Variants in RALGAPB observed in about 807,000 individuals in gnomAD.
The protein encoded by RALGAPB is ral GTPase-activating protein subunit beta.
Under a neutral mutation model 161.1 loss-of-function variants are expected in RALGAPB, and 25 were observed. The ratio of observed to expected loss-of-function variants is 0.16; its 90% CI spans 0.11 to 0.22. The LOEUF (loss-of-function observed/expected upper bound fraction) is 0.22. RALGAPB is among the 10% of genes least tolerant of loss of function. The probability of loss-of-function intolerance (pLI) is 1.00; values close to 1 mark genes in which losing one functional copy is unlikely to be tolerated. For synonymous variants in RALGAPB, 629 were observed against 626.1 expected (o/e 1.00, Z -0.07); for missense variants, 1,391 against 1,815.2 (o/e 0.77, Z 4.25).
intron 18 of RALGAPB, 31 bp downstream of exon 18, chr20:38,541,223 T>A: frequency 6.2e-7 from 1 of 1,608,800 alleles, no homozygotes; most frequent in South Asian, 1.1e-5. Context: ...GGATTGTGCC[T>A]AGGAATTAGA....
In RALGAPB at chr20:38,577,388, C is replaced by T. The variant is rs1323698734; in HGVS notation, c.*2421C>T. On this transcript the variant is annotated 3_prime_UTR_variant, in exon 30 of 30. Coordinates refer to ENST00000262879, the MANE Select transcript of RALGAPB (RefSeq NM_020336.4). The stretch of plus-strand genomic sequence containing the variant: ...TAAATTTGCCAGCATATGTTCTAGC[C>T]TCTGGGGGGAAACCAGGACCACTTT... 1.3e-5 allele frequency: 2 copies of T among 152,292 alleles called. No homozygotes were observed. Among genetic ancestry groups the T allele is most frequent in the African/African-American group, 4.8e-5 (2 of 41,542 alleles). The allele number at this position is 152,292 out of a possible 1,614,324, so 9.4% of individuals were successfully genotyped here.
chr20:38,546,586 C>T (rs1165499548), intron 19 of RALGAPB, 156 bp downstream of exon 19: 3 of 897,998 alleles, frequency 3.3e-6, no homozygotes, highest in East Asian at 5.3e-5. Flanking sequence ...AATAGGGGGG[C>T]AAAAAAATAG....
In RALGAPB at chr20:38,562,575, T is replaced by G. The variant is rs759698269; in HGVS notation, c.3575T>G (p.Phe1192Cys). 1 of 1,613,478 alleles carries G rather than the reference T, an allele frequency of 6.2e-7. No homozygotes were observed. Among genetic ancestry groups the G allele is most frequent in the Admixed American group, 1.7e-5 (1 of 59,992 alleles). The change falls in exon 24 of 30, where the codon TTC (phenylalanine) becomes TGC (cysteine). Residue 1192 changes from phenylalanine to cysteine, a missense_variant. Phe to Cys is a radical substitution (Grantham distance 205). Coordinates refer to ENST00000262879, the MANE Select transcript of RALGAPB (RefSeq NM_020336.4). ...VESSRTVQPH[F>C]LEFLLSLGWS... ...TCTTCCAGAACTGTTCAGCCACATT[T>G]CCTAGAATTTTTGCTTTCCCTTGGC...
intron 1 of RALGAPB, among the ~76,000 whole-genome samples, chr20:38,481,274 CTTATG>C (rs976926270): frequency 2.6e-5 from 4 of 152,120 alleles, no homozygotes; most frequent in African/African-American, 4.8e-5. Context: ...AATGTTCTAA[CTTATG>C]TTATAGTTAT....
At chr20:38,565,250 T>C in intron 24 of RALGAPB, 109 bp from the exon 25 acceptor site, 3 of 1,281,948 alleles carry the variant, frequency 2.3e-6, no homozygotes, top group Non-Finnish European at 3.2e-6. Flanking sequence ...GTTGAAAACA[T>C]ATATTCTATT....
intron 5 of RALGAPB, among the ~76,000 whole-genome samples, chr20:38,507,165 A>G (rs1476733484): frequency 6.6e-6 from 1 of 152,142 alleles, no homozygotes; most frequent in Admixed American, 6.5e-5. Context: ...TATTTTTTCC[A>G]TTTAGTTCCC....
chr20:38,541,282 G>T (rs1176106620), intron 18 of RALGAPB, 90 bp downstream of exon 18: 4 of 1,285,394 alleles, frequency 3.1e-6, no homozygotes, highest in Non-Finnish European at 3.2e-6. Context: ...TGATTGTTCA[G>T]CATTGCGTGA....
chr20:38,490,592 T>C (rs1046651019), intron 2 of RALGAPB, among the ~76,000 whole-genome samples: 1 of 150,758 alleles, frequency 6.6e-6, no homozygotes, highest in Non-Finnish European at 1.5e-5. Context: ...CCGCAACCTC[T>C]GCCTCCCAGG....
At chr20:38,569,386 C>A (rs1264038147) in intron 26 of RALGAPB, 1 of 155,600 alleles carries the variant, frequency 6.4e-6, no homozygotes, top group Non-Finnish European at 1.4e-5. Context: ...GGTAATGAAG[C>A]CCCAAACAAC....
At chr20:38,517,392 T>C in intron 7 of RALGAPB, 114 bp from the exon 8 acceptor site, 2 of 1,006,856 alleles carry the variant, frequency 2.0e-6, no homozygotes, top group Non-Finnish European at 2.8e-6. Context: ...CAACTAGCAA[T>C]CTCTGCTATA....
At chr20:38,544,503 T>C (rs1398057312) in intron 18 of RALGAPB, among the ~76,000 whole-genome samples, 2 of 152,218 alleles carry the variant, frequency 1.3e-5, no homozygotes, top group East Asian at 3.8e-4. Context: ...AGTCTCGCCC[T>C]GTCACCCAGG....
In RALGAPB at chr20:38,521,836, T is replaced by G. The variant is rs1450837943; in HGVS notation, c.1619+138T>G. The stretch of plus-strand genomic sequence containing the variant: ...GTAAGTGATCGACATTTGCCTGAAA[T>G]CTTTCATTTTACCTGTCTCATCAGA... On this transcript the variant is annotated intron_variant, in intron 10 of 29. Coordinates refer to ENST00000262879, the MANE Select transcript of RALGAPB (RefSeq NM_020336.4). 4 of 918,420 alleles carry G rather than the reference T, an allele frequency of 4.4e-6. No individual in the cohort carries two copies. In the African/African-American group the frequency reaches 6.7e-5, roughly 15 times the overall value. The allele number at this position is 918,420 out of a possible 1,614,324, so 56.9% of individuals were successfully genotyped here. A position where few individuals can be genotyped will look rare whatever the true frequency, so the allele number is the denominator to read the frequency against.
At chr20:38,479,435 C>A (rs1381683030) in intron 1 of RALGAPB, among the ~76,000 whole-genome samples, 2 of 152,142 alleles carry the variant, frequency 1.3e-5, no homozygotes, top group Non-Finnish European at 2.9e-5. Flanking sequence ...AGGCTATGGT[C>A]TTAGAGTGTC....
chr20:38,489,345 A>G lies in RALGAPB; in HGVS notation c.186+727A>G, dbSNP rs150577349. Among the ~76,000 whole-genome samples the G allele has an allele frequency of 2.1e-3, 323 of 152,280 alleles. 1 individual carries two copies. The highest frequency in any genetic ancestry group is 7.3e-3 in the African/African-American group (304 of 41,552). ...AGACACATGCCACCACGCCAGGCTA[A>G]TTTAAAAAATTTTTTTATAGAGATG... On this transcript the variant is annotated intron_variant, in intron 2 of 29. Coordinates refer to ENST00000262879, the MANE Select transcript of RALGAPB (RefSeq NM_020336.4).
chr20:38,533,439 G>A (rs897226014), intron 15 of RALGAPB, among the ~76,000 whole-genome samples: 1 of 152,222 alleles, frequency 6.6e-6, no homozygotes, highest in Non-Finnish European at 1.5e-5. Context: ...CTGTGAGTTT[G>A]TGGGTACCTT....
At chr20:38,533,473 A>G (rs1032988894) in intron 15 of RALGAPB, among the ~76,000 whole-genome samples, 1 of 152,200 alleles carries the variant, frequency 6.6e-6, no homozygotes, top group Non-Finnish European at 1.5e-5. Context: ...ACAAGTACTA[A>G]CAGTGTATTA....
At chr20:38,517,456 T>C (rs2086160999) in intron 7 of RALGAPB, 50 bp from the exon 8 acceptor site, 11 of 1,498,736 alleles carry the variant, frequency 7.3e-6, no homozygotes, top group African/African-American at 1.4e-5. Flanking sequence ...TCTGATCATA[T>C]ATTTTGACCT....
chr20:38,497,244 T>C, intron 3 of RALGAPB, 109 bp from the exon 4 acceptor site: 1 of 968,362 alleles, frequency 1.0e-6, no homozygotes, highest in Non-Finnish European at 1.6e-6. Context: ...GCTGATAATA[T>C]TAGGGAGCTT....
At chr20:38,513,428 G>A (rs903954956) in intron 6 of RALGAPB, among the ~76,000 whole-genome samples, 12 of 150,542 alleles carry the variant, frequency 8.0e-5, no homozygotes, top group Non-Finnish European at 1.5e-4. Flanking sequence ...CGCTTGAACC[G>A]GGAAGCAGAG....
Sources: gnomAD v4.1 joint callset for allele counts (sites outside exome capture counted in the v4.1 genomes callset) on GRCh38, gnomAD v4.1.1 for gene constraint, MANE v1.5 for transcripts, NCBI Gene and HGNC (gene_info 2026-07-23, HGNC 2026-07-21) for gene names.